BCORL1: variants seen among roughly 807,000 people sequenced by gnomAD.
BCORL1 encodes the protein BCL6 corepressor like 1.
A neutral mutation model predicts 87.6 loss-of-function variants in BCORL1; 7 were observed. That is an observed-to-expected ratio of 0.08 (90% confidence interval 0.05 to 0.15). The LOEUF (loss-of-function observed/expected upper bound fraction) is 0.15, where lower values mean the gene tolerates loss of function less well. BCORL1 is among the 10% of genes least tolerant of loss of function. The pLI is 1.00. For missense variants in BCORL1, 1,215 were observed against 1,499.7 expected, an observed-to-expected ratio of 0.81 and a Z score of 3.13; for synonymous variants, 591 against 634.4, an observed-to-expected ratio of 0.93 and a Z score of 1.03.
intron 7 of BCORL1, among the ~76,000 whole-genome samples, chrX:130,026,329 A>G (rs1452979066): frequency 8.9e-6 from 1 of 112,489 alleles, no homozygotes; most frequent in African/African-American, 3.2e-5. Context: ...CTATAATGCA[A>G]AGACGGCTTA....
Position 129,997,746 on chromosome X carries a change from C to T in BCORL1, c.-44-7442C>T, listed in dbSNP as rs747815817. ...GGCGGAGGTTGCAGTGAGCCAACATCGCGCCATTGCACTCCAGCCTTGGTG... is the reference window on the plus strand; with the variant it reads ...GGCGGAGGTTGCAGTGAGCCAACATTGCGCCATTGCACTCCAGCCTTGGTG... On this transcript the variant is annotated intron_variant, in intron 1 of 13. Transcript: ENST00000540052. Among the ~76,000 whole-genome samples the T allele has an allele frequency of 2.6e-4, 26 of 98,774 alleles. No individual in the cohort carries two copies. The East Asian group carries it at 5.4e-3, about 21-fold the overall frequency. The allele number at this position is 98,774 out of a possible 115,157, so 85.8% of individuals were successfully genotyped here.
In BCORL1 at chrX:130,051,047, G is replaced by A. The variant is rs145291705; in HGVS notation, c.4918+253G>A. Among the ~76,000 whole-genome samples, 70 of 111,518 alleles carry A rather than the reference G, an allele frequency of 6.3e-4. 2 individuals carry two copies. The East Asian group carries it at 0.018, about 28-fold the overall frequency. ...GCATTTAAAAAATTCTCTTTCTTCC[G>A]AGGTCCCTTTCTTCTCCCTGGCTTT... On this transcript the variant is annotated intron_variant, in intron 12 of 13. Coordinates refer to ENST00000540052, the MANE Select transcript of BCORL1 (RefSeq NM_001379451.1).
intron 13 of BCORL1, among the ~76,000 whole-genome samples, chrX:130,052,341 TG>T (rs1409801733): frequency 8.9e-6 from 1 of 112,439 alleles, no homozygotes; most frequent in African/African-American, 3.2e-5. Context: ...TTGTAGTTTC[TG>T]GGGGTAAACA....
In BCORL1 at chrX:130,036,757, A is replaced by G. The variant is rs187574472; in HGVS notation, c.4528-610A>G. Among the ~76,000 whole-genome samples the G allele has an allele frequency of 7.1e-3, 800 of 112,257 alleles. 3 individuals carry two copies. Among genetic ancestry groups the G allele is most frequent in the African/African-American group, 0.025 (759 of 30,883 alleles). ...CTGGCTTGCCAAGCTCAGGGAGTCG[A>G]GGTCTGAGTGCTTGAGCTCTGGGCG... On this transcript the variant is annotated intron_variant, in intron 9 of 13. Transcript: ENST00000540052.
At chrX:130,003,375 T>TTCTTC (rs1556039830) in intron 1 of BCORL1, among the ~76,000 whole-genome samples, 2 of 82,835 alleles carry the variant, frequency 2.4e-5, no homozygotes, top group African/African-American at 1.4e-4. Context: ...CTTCTTCTTC[T>TTCTTC]TTTTTTTTTT....
intron 6 of BCORL1, 43 bp from the exon 7 acceptor site, chrX:130,024,947 T>C (rs752654318): frequency 8.4e-7 from 1 of 1,186,048 alleles, no homozygotes; most frequent in Admixed American, 2.3e-5. Context: ...TGCTTTGTCC[T>C]TTGAAGAAGT....
At position 130,013,942 on chromosome X, in the gene BCORL1, T is replaced by C. The variant is rs1432423547; in HGVS notation, c.1170T>C (p.Phe390=). ...PVPAPTPAPI[F]TPAPTPMPAA... ...CTGCACCCACCCCAGCCCCCATCTTTACTCCAGCCCCTACACCCATGCCTG... is the reference window on the plus strand; with the variant it reads ...CTGCACCCACCCCAGCCCCCATCTTCACTCCAGCCCCTACACCCATGCCTG... Residue 390 remains phenylalanine (F), a synonymous_variant, in exon 4 of 14, where the codon TTT becomes TTC. Transcript: ENST00000540052. The C allele has an allele frequency of 3.4e-6, 4 of 1,189,223 alleles. No homozygotes were observed. Among genetic ancestry groups the C allele is most frequent in the South Asian group, 3.7e-5 (2 of 54,578 alleles).
At position 130,015,344 on chromosome X, in the gene BCORL1, G is replaced by A. The variant is rs770634270; in HGVS notation, c.2572G>A (p.Ala858Thr). 8.3e-7 allele frequency: 1 copy of A among 1,211,813 alleles called. No individual in the cohort carries two copies. Among genetic ancestry groups the A allele is most frequent in the South Asian group, 1.8e-5 (1 of 57,032 alleles). The change falls in exon 4 of 14, where the codon GCG becomes ACG. Residue 858 changes from alanine to threonine, a missense_variant. Coordinates refer to ENST00000540052, the MANE Select transcript of BCORL1 (RefSeq NM_001379451.1). ...CGGGCAGCTGACCCCCAGTCAGGGGGCGCCCATCAGGCCCACCAGCGTTGT... is the reference window on the plus strand; with the variant it reads ...CGGGCAGCTGACCCCCAGTCAGGGGACGCCCATCAGGCCCACCAGCGTTGT... ...SAGQLTPSQGAPIRPTSVVSE... is the reference protein window; with the variant it reads ...SAGQLTPSQGTPIRPTSVVSE...
chrX:129,989,444 CTTTTTTTTTTTTTT>C (rs55654985), intron 1 of BCORL1, among the ~76,000 whole-genome samples: 43 of 17,776 alleles, frequency 2.4e-3, no homozygotes, highest in South Asian at 3.8e-3. Context: ...CCGCACCCGT[CTTTTTTTTTTTTTT>C]TTTTTTTTTT....
chrX:130,035,915 G>A lies in BCORL1; in HGVS notation c.4527+1239G>A, dbSNP rs188577498. Among the ~76,000 whole-genome samples the A allele has an allele frequency of 5.4e-3, 611 of 112,456 alleles. 5 individuals are homozygous for A. The highest frequency in any genetic ancestry group is 0.019 in the African/African-American group (581 of 30,982). On this transcript the variant is annotated intron_variant, in intron 9 of 13. Transcript: ENST00000540052. ...AGCCTCGGGCTTTCTCCCGGGTAAA[G>A]GAGCTTGACAGTTTCTATATACAGC...
intron 11 of BCORL1, among the ~76,000 whole-genome samples, chrX:130,040,462 G>A (rs766059439): frequency 8.9e-6 from 1 of 112,339 alleles, no homozygotes; most frequent in Non-Finnish European, 1.9e-5. Context: ...CTTGACTCCT[G>A]CTCAGCCAGC....
intron 2 of BCORL1, among the ~76,000 whole-genome samples, chrX:130,011,134 G>A (rs1569364909): frequency 2.8e-5 from 3 of 107,280 alleles, no homozygotes; most frequent in African/African-American, 6.8e-5. Context: ...CCCAGGAAAC[G>A]CACTGCAGCG....
chrX:130,005,927 G>A (rs1017488696), intron 2 of BCORL1, among the ~76,000 whole-genome samples: 5 of 110,776 alleles, frequency 4.5e-5, no homozygotes, highest in Non-Finnish European at 9.5e-5. Context: ...CCCATGCCTG[G>A]CCAGCGATTG....
At chrX:130,035,829 G>A (rs1186018678) in intron 9 of BCORL1, among the ~76,000 whole-genome samples, 1 of 112,929 alleles carries the variant, frequency 8.9e-6, no homozygotes, top group Non-Finnish European at 1.9e-5. Context: ...AGGGAGGGTG[G>A]AAGGAGCCCT....
Position 130,056,156 on chromosome X carries a change from T to C in BCORL1, c.*20T>C, listed in dbSNP as rs776351272. On this transcript the variant is annotated 3_prime_UTR_variant, in exon 14 of 14. Coordinates refer to ENST00000540052, the MANE Select transcript of BCORL1 (RefSeq NM_001379451.1). ...AGTTGACCGGGAAAACAGCCCCTCC[T>C]CTTCTTTCTCCTTCCGAGTTCGCCC... is the stretch of plus-strand genomic sequence containing the variant. 7.9e-6 allele frequency: 9 copies of C among 1,142,006 alleles called. No individual in the cohort carries two copies. Among genetic ancestry groups the C allele is most frequent in the Non-Finnish European group, 1.0e-5 (9 of 859,846 alleles). The allele number at this position is 1,142,006 out of a possible 1,213,427, so 94.1% of individuals were successfully genotyped here. A position where few individuals can be genotyped will look rare whatever the true frequency, so the allele number is the denominator to read the frequency against.
chrX:130,012,893 C>T, intron 3 of BCORL1, 57 bp from the exon 4 acceptor site: 1 of 1,162,292 alleles, frequency 8.6e-7, no homozygotes, highest in Non-Finnish European at 1.2e-6. Context: ...GGCCTCAGGA[C>T]ACTTGCACCA....
chrX:130,053,253 C>T (rs1932172769), intron 13 of BCORL1, among the ~76,000 whole-genome samples: 1 of 111,190 alleles, frequency 9.0e-6, no homozygotes, highest in African/African-American at 3.3e-5. Flanking sequence ...GTTTAGGGCT[C>T]TAACCATTAG....
chrX:129,984,376 G>A (rs1926421598), intron 1 of BCORL1, among the ~76,000 whole-genome samples: 1 of 108,526 alleles, frequency 9.2e-6, no homozygotes, highest in East Asian at 3.0e-4. Flanking sequence ...GGGGCGGTAC[G>A]AGCCGGGACG....
chrX:129,995,129 C>T (rs1299415983), intron 1 of BCORL1, among the ~76,000 whole-genome samples: 1 of 110,782 alleles, frequency 9.0e-6, no homozygotes, highest in Non-Finnish European at 1.9e-5. Flanking sequence ...CCTCGGCCTC[C>T]TGAGTAGCTG....
Sources: gnomAD v4.1 joint callset for allele counts (sites outside exome capture counted in the v4.1 genomes callset) on GRCh38, gnomAD v4.1.1 for gene constraint, MANE v1.5 for transcripts, NCBI Gene and HGNC (gene_info 2026-07-23, HGNC 2026-07-21) for gene names.